The following XRCC2 variants were observed in gnomAD, a reference collection of about 807,000 sequenced individuals.
XRCC2 encodes DNA repair protein XRCC2.
Under a neutral mutation model 27.3 loss-of-function variants are expected in XRCC2, and 24 were observed. The ratio of observed to expected loss-of-function variants is 0.88; its 90% CI spans 0.64 to 1.24. XRCC2 has a LOEUF of 1.24. XRCC2 is among the 50% of genes most tolerant of loss of function. The pLI is 0.00. For missense variants in XRCC2, 321 were observed against 325.8 expected (o/e 0.99, Z 0.11); for synonymous variants, 106 against 115.4 (o/e 0.92, Z 0.52).
intron 1 of XRCC2, among the ~76,000 whole-genome samples, chr7:152,664,947 G>C (rs2098034921): frequency 6.6e-6 from 1 of 151,678 alleles, no homozygotes; most frequent in Non-Finnish European, 1.5e-5. Context: ...AGTGTGACCA[G>C]TATATGACCT....
chr7:152,671,618 A>G (rs2098038231), intron 1 of XRCC2, among the ~76,000 whole-genome samples: 1 of 152,234 alleles, frequency 6.6e-6, no homozygotes, highest in Non-Finnish European at 1.5e-5. Context: ...TTAAACATAC[A>G]CATAGTGATG....
At chr7:152,674,796 A>ATATATAATATAT in intron 1 of XRCC2, among the ~76,000 whole-genome samples, 1 of 29,948 alleles carries the variant, frequency 3.3e-5, no homozygotes, top group South Asian at 1.4e-3. Flanking sequence ...ATATATATCT[A>ATATATAATATAT]TGGTTTATAA....
chr7:152,651,223 A>T (rs2098028401), intron 2 of XRCC2, among the ~76,000 whole-genome samples: 1 of 152,074 alleles, frequency 6.6e-6, no homozygotes, highest in African/African-American at 2.4e-5. Context: ...TACAGGTGTG[A>T]ACCACCGCAC....
chr7:152,674,943 T>C (rs1460316342), intron 1 of XRCC2, among the ~76,000 whole-genome samples: 2 of 151,734 alleles, frequency 1.3e-5, no homozygotes, highest in East Asian at 3.9e-4. Flanking sequence ...TATGACTGCC[T>C]TCCCATTAGA....
At chr7:152,657,185 G>A (rs1014697252) in intron 2 of XRCC2, among the ~76,000 whole-genome samples, 40 of 142,642 alleles carry the variant, frequency 2.8e-4, no homozygotes, top group African/African-American at 8.1e-4. Flanking sequence ...GCAGTGAGCC[G>A]AGATCACACC....
At chr7:152,650,053 A>G (rs1021611480) in intron 2 of XRCC2, among the ~76,000 whole-genome samples, 2 of 152,236 alleles carry the variant, frequency 1.3e-5, no homozygotes, top group African/African-American at 4.8e-5. Context: ...ATGTGAGGAA[A>G]ACAAGCCTCC....
intron 1 of XRCC2, among the ~76,000 whole-genome samples, chr7:152,664,238 G>A (rs1337714237): frequency 6.6e-6 from 1 of 152,112 alleles, no homozygotes; most frequent in Non-Finnish European, 1.5e-5. Context: ...GAGCATAACA[G>A]CTTTCACTGA....
At chr7:152,654,211 A>AAAG (rs1186926449) in intron 2 of XRCC2, among the ~76,000 whole-genome samples, 1 of 151,566 alleles carries the variant, frequency 6.6e-6, no homozygotes, top group African/African-American at 2.4e-5. Context: ...AAAAAAAAAA[A>AAAG]AAAAAGATTC....
chr7:152,646,473 C>G lies in XRCC2; in HGVS notation c.*2169G>C, dbSNP rs113244620. 8 of 152,242 alleles carry G rather than the reference C, an allele frequency of 5.3e-5. No homozygotes were observed. Among genetic ancestry groups the G allele is most frequent in the African/African-American group, 1.7e-4 (7 of 41,534 alleles). 9.4% of individuals were successfully genotyped at this position (152,242 alleles called of 1,614,324 possible). ...TCCATGTCCCTGGCAAAGGTATGAT[C>G]TTGTTCCTTATATTTTATTTTTTAT... On this transcript the variant is annotated 3_prime_UTR_variant, in exon 3 of 3. Transcript: ENST00000359321.
chr7:152,666,061 T>C (rs1219531881), intron 1 of XRCC2, among the ~76,000 whole-genome samples: 2 of 111,586 alleles, frequency 1.8e-5, no homozygotes, highest in Non-Finnish European at 3.6e-5. Flanking sequence ...TTTTTCTCAG[T>C]TTTTTCTTAG....
At chr7:152,651,474 C>G (rs2098028497) in intron 2 of XRCC2, among the ~76,000 whole-genome samples, 1 of 151,492 alleles carries the variant, frequency 6.6e-6, no homozygotes, top group African/African-American at 2.4e-5. Flanking sequence ...CATCAGTAGT[C>G]CCAGCTAATT....
intron 2 of XRCC2, among the ~76,000 whole-genome samples, chr7:152,657,369 G>A (rs545395360): frequency 4.0e-5 from 6 of 151,708 alleles, no homozygotes; most frequent in South Asian, 2.1e-4. Flanking sequence ...GTGCAATCTC[G>A]GCTCACTGCA....
At chr7:152,659,896 T>G (rs2098032317) in intron 2 of XRCC2, among the ~76,000 whole-genome samples, 2 of 152,112 alleles carry the variant, frequency 1.3e-5, no homozygotes, top group South Asian at 4.1e-4. Context: ...ACAACCCAAA[T>G]GTCCATCAGC....
intron 2 of XRCC2, among the ~76,000 whole-genome samples, chr7:152,652,396 G>A (rs2098028924): frequency 6.6e-6 from 1 of 152,042 alleles, no homozygotes; most frequent in Non-Finnish European, 1.5e-5. Context: ...CCATGCAGAA[G>A]CGCAGACGGG....
At chr7:152,667,986 C>A (rs2098036684) in intron 1 of XRCC2, among the ~76,000 whole-genome samples, 1 of 151,236 alleles carries the variant, frequency 6.6e-6, no homozygotes, top group Non-Finnish European at 1.5e-5. Context: ...CGAGATCACA[C>A]CACTGCACTC....
intron 1 of XRCC2, among the ~76,000 whole-genome samples, chr7:152,670,564 A>G (rs376082415): frequency 6.6e-6 from 1 of 152,118 alleles, no homozygotes; most frequent in East Asian, 1.9e-4. Context: ...GTTTTAGGGC[A>G]TCAGTATATC....
intron 2 of XRCC2, among the ~76,000 whole-genome samples, chr7:152,653,556 C>G (rs2098029428): frequency 6.6e-6 from 1 of 152,056 alleles, no homozygotes. Flanking sequence ...GCCTCCCAGG[C>G]TCAAGCCATC....
rs578195830 is a variant in XRCC2, at chr7:152,644,806, T to G, written c.*3836A>C. On this transcript the variant is annotated 3_prime_UTR_variant, in exon 3 of 3. Coordinates refer to ENST00000359321, the MANE Select transcript of XRCC2 (RefSeq NM_005431.2). ...AGCATTCTGTCTTTAGTAGTGGTAT[T>G]TCCATTTACAAAACATAGTAATTCT... 6.6e-6 allele frequency: 1 copy of G among 152,354 alleles called. No individual in the cohort carries two copies. Among genetic ancestry groups the G allele is most frequent in the East Asian group, 1.9e-4 (1 of 5,188 alleles). 9.4% of individuals were successfully genotyped at this position (152,354 alleles called of 1,614,324 possible). A position where few individuals can be genotyped will look rare whatever the true frequency, so the allele number is the denominator to read the frequency against.
chr7:152,648,570 A>G lies in XRCC2; in HGVS notation c.*72T>C, dbSNP rs1476986111. The stretch of plus-strand genomic sequence containing the variant: ...CACTGCACTCCAGCCTGGGAGACAG[A>G]GCAAGACTCTGTCTTAAGAAAAATT... On this transcript the variant is annotated 3_prime_UTR_variant, in exon 3 of 3. Transcript: ENST00000359321. 1.4e-6 allele frequency: 2 copies of G among 1,480,772 alleles called. No homozygotes were observed. Among genetic ancestry groups the G allele is most frequent in the East Asian group, 2.3e-5 (1 of 43,812 alleles). 91.7% of individuals were successfully genotyped at this position (1,480,772 alleles called of 1,614,324 possible).
Sources: allele counts gnomAD v4.1 joint callset (sites outside exome capture counted in the v4.1 genomes callset), GRCh38; gene constraint gnomAD v4.1.1; transcripts MANE v1.5; gene names NCBI Gene and HGNC (gene_info 2026-07-23, HGNC 2026-07-21).